The following PABPC4L variants were observed in gnomAD, a reference collection of about 807,000 sequenced individuals.
The protein encoded by PABPC4L is poly(A) binding protein cytoplasmic 4 like.
For synonymous variants in PABPC4L, 169 were observed against 164.1 expected (o/e 1.03, Z -0.23); for missense variants, 452 against 451.4 (o/e 1.00, Z -0.01).
the PABPC4L span, among the ~76,000 whole-genome samples, chr4:134,047,724 G>A: frequency 6.6e-6 from 1 of 151,938 alleles, no homozygotes; most frequent in Non-Finnish European, 1.5e-5. Context: ...CGAGGGTTGT[G>A]AGGGTAGCAT....
the PABPC4L span, among the ~76,000 whole-genome samples, chr4:133,994,959 GTCT>G: frequency 6.6e-6 from 1 of 152,058 alleles, no homozygotes; most frequent in Non-Finnish European, 1.5e-5. Flanking sequence ...CCTTTTTAGG[GTCT>G]TCTTCTTTAA....
chr4:134,036,927 G>A, the PABPC4L span, among the ~76,000 whole-genome samples: 13 of 151,688 alleles, frequency 8.6e-5, no homozygotes, highest in East Asian at 3.9e-4. Flanking sequence ...GTTGTGGTGC[G>A]TGCCTGTAAT....
the PABPC4L span, among the ~76,000 whole-genome samples, chr4:134,106,341 A>G: frequency 6.6e-6 from 1 of 151,628 alleles, no homozygotes; most frequent in African/African-American, 2.4e-5. Flanking sequence ...TAATTTAGAA[A>G]AATATTTGTA....
At chr4:134,054,306 T>G in the PABPC4L span, among the ~76,000 whole-genome samples, 4 of 145,062 alleles carry the variant, frequency 2.8e-5, no homozygotes, top group Non-Finnish European at 6.0e-5. Context: ...GCTAGTAGTT[T>G]TGATTGCAAT....
At chr4:134,190,480 T>C in the PABPC4L span, among the ~76,000 whole-genome samples, 13 of 152,084 alleles carry the variant, frequency 8.5e-5, no homozygotes, top group Non-Finnish European at 1.8e-4. Flanking sequence ...TTTATTCTAA[T>C]TCCTGTCCTT....
the PABPC4L span, among the ~76,000 whole-genome samples, chr4:134,122,873 T>C: frequency 6.6e-6 from 1 of 151,966 alleles, no homozygotes. Flanking sequence ...TTACATCACA[T>C]ATTTATATAT....
chr4:134,117,975 T>C, the PABPC4L span, among the ~76,000 whole-genome samples: 4 of 151,800 alleles, frequency 2.6e-5, no homozygotes, highest in African/African-American at 9.7e-5. Context: ...TAAAACATGC[T>C]AAGCTCAGCA....
Position 134,200,560 on chromosome 4 carries a change from T to A in PABPC4L, c.460A>T (p.Ile154Phe). Residue 154 changes from isoleucine to phenylalanine, a missense_variant, in exon 2 of 2, where the codon ATT (isoleucine) becomes TTT (phenylalanine). Coordinates refer to ENST00000421491, the MANE Select transcript of PABPC4L (RefSeq NM_001114734.2). Reference sequence around the variant, plus strand: ...AGTAGTTTTCCATTCATCTCCTCAATGGCCCTGTCTGCAGCACTCTGGTTC... The same window carrying A: ...AGTAGTTTTCCATTCATCTCCTCAAAGGCCCTGTCTGCAGCACTCTGGTTC... ...FQNQSAADRA[I>F]EEMNGKLLKG... The A allele has an allele frequency of 1.3e-6, 2 of 1,551,686 alleles. No individual in the cohort carries two copies. The highest frequency in any genetic ancestry group is 1.7e-4 in the Middle Eastern group (1 of 5,992).
chr4:134,050,422 A>G, the PABPC4L span, among the ~76,000 whole-genome samples: 1 of 152,056 alleles, frequency 6.6e-6, no homozygotes, highest in Non-Finnish European at 1.5e-5. Context: ...GAAGTGAAAG[A>G]CGGCTGATGC....
the PABPC4L span, among the ~76,000 whole-genome samples, chr4:134,120,092 C>T: frequency 6.6e-6 from 1 of 151,608 alleles, no homozygotes; most frequent in Non-Finnish European, 1.5e-5. Context: ...CTTCTGTTGA[C>T]ATTGATCTTG....
the PABPC4L span, among the ~76,000 whole-genome samples, chr4:134,018,675 C>T: frequency 1.3e-5 from 2 of 152,040 alleles, no homozygotes; most frequent in Non-Finnish European, 2.9e-5. Context: ...TTATTCAAAG[C>T]ACATTGTTTA....
the PABPC4L span, among the ~76,000 whole-genome samples, chr4:134,122,471 G>A: frequency 6.6e-6 from 1 of 151,834 alleles, no homozygotes; most frequent in South Asian, 2.1e-4. Flanking sequence ...GAGCATCTTA[G>A]AGACTTCTCT....
the PABPC4L span, among the ~76,000 whole-genome samples, chr4:133,996,220 CT>C: frequency 6.6e-6 from 1 of 152,086 alleles, no homozygotes; most frequent in Non-Finnish European, 1.5e-5. Flanking sequence ...TTTTTAGGCT[CT>C]TCTGTGTAGA....
chr4:134,072,524 C>T, the PABPC4L span, among the ~76,000 whole-genome samples: 9 of 152,112 alleles, frequency 5.9e-5, no homozygotes, highest in African/African-American at 2.2e-4. Flanking sequence ...TTTATAACAA[C>T]CTGCAAGTAG....
the PABPC4L span, among the ~76,000 whole-genome samples, chr4:134,102,384 A>G: frequency 2.6e-5 from 4 of 151,570 alleles, no homozygotes; most frequent in East Asian, 5.8e-4. Context: ...TTGTCTGACT[A>G]TAAGAATCAC....
chr4:134,099,615 C>T, the PABPC4L span, among the ~76,000 whole-genome samples: 4 of 151,490 alleles, frequency 2.6e-5, no homozygotes, highest in African/African-American at 9.7e-5. Context: ...TTTTAAAAAA[C>T]AATTACAAAA....
the PABPC4L span, among the ~76,000 whole-genome samples, chr4:134,015,983 C>A: frequency 6.6e-6 from 1 of 152,086 alleles, no homozygotes; most frequent in East Asian, 1.9e-4. Context: ...GTTGAGTCTC[C>A]CACATTATTC....
At chr4:134,168,803 T>C in the PABPC4L span, among the ~76,000 whole-genome samples, 1 of 151,930 alleles carries the variant, frequency 6.6e-6, no homozygotes, top group Admixed American at 6.6e-5. Context: ...AATCCCAGGA[T>C]CTGATGATTT....
chr4:134,143,563 T>C, the PABPC4L span, among the ~76,000 whole-genome samples: 5 of 150,970 alleles, frequency 3.3e-5, no homozygotes, highest in African/African-American at 1.2e-4. Context: ...CATATCTTCG[T>C]AATAATTTTC....
Sources: gnomAD v4.1 joint callset for allele counts (sites outside exome capture counted in the v4.1 genomes callset) on GRCh38, gnomAD v4.1.1 for gene constraint, MANE v1.5 for transcripts, NCBI Gene and HGNC (gene_info 2026-07-23, HGNC 2026-07-21) for gene names.